SIM1: variants seen among roughly 807,000 people sequenced by gnomAD.
The protein encoded by SIM1 is single-minded homolog 1.
SIM1 carries 18 observed loss-of-function variants against 78.2 expected under a neutral mutation model. The ratio of observed to expected loss-of-function variants is 0.23; its 90% CI spans 0.16 to 0.34. The LOEUF (loss-of-function observed/expected upper bound fraction) is 0.34. Among genes scored for constraint, SIM1 ranks in the 10% least tolerant of loss-of-function variants. SIM1 has a pLI of 1.00. For synonymous variants in SIM1, 417 were observed against 385.2 expected (o/e 1.08, Z -0.97); for missense variants, 939 against 975.1 (o/e 0.96, Z 0.49).
chr6:100,393,260 T>A (rs937455364), intron 11 of SIM1, among the ~76,000 whole-genome samples: 4 of 152,212 alleles, frequency 2.6e-5, no homozygotes, highest in African/African-American at 9.6e-5. Flanking sequence ...TTTCTATACT[T>A]TCTGATGTTT....
intron 10 of SIM1, among the ~76,000 whole-genome samples, chr6:100,413,289 C>T (rs1322356546): frequency 6.6e-6 from 1 of 152,146 alleles, no homozygotes; most frequent in African/African-American, 2.4e-5. Flanking sequence ...ATCATCCATC[C>T]ATTCACTCAT....
At chr6:100,450,404 G>A (rs770008787) in intron 3 of SIM1, 48 bp from the exon 4 acceptor site, 12 of 1,517,250 alleles carry the variant, frequency 7.9e-6, no homozygotes, top group Non-Finnish European at 1.1e-5. Context: ...GGGCCATCTG[G>A]AGAAATGGGA....
chr6:100,463,196 AT>A (rs1562067036), intron 2 of SIM1, 97 bp downstream of exon 2: 9 of 1,110,530 alleles, frequency 8.1e-6, no homozygotes, highest in East Asian at 5.0e-5. Flanking sequence ...ATATATGTAA[AT>A]ATGTATGCAT....
intron 10 of SIM1, among the ~76,000 whole-genome samples, chr6:100,404,323 A>G (rs1320542406): frequency 6.6e-6 from 1 of 152,204 alleles, no homozygotes; most frequent in Non-Finnish European, 1.5e-5. Flanking sequence ...ATAGTTATCT[A>G]TTTTTATTCT....
chr6:100,393,697 A>G lies in SIM1; in HGVS notation c.1360T>C (p.Ser454Pro). 6.2e-7 allele frequency: 1 copy of G among 1,614,114 alleles called. No homozygotes were observed. The highest frequency in any genetic ancestry group is 8.5e-7 in the Non-Finnish European group (1 of 1,179,944). Residue 454 changes from serine to proline, a missense_variant, in exon 11 of 12, where the codon TCG becomes CCG. Physicochemically the swap from Ser to Pro is moderately conservative, Grantham distance 74 (BLOSUM62 -1). Transcript: ENST00000369208. ...AAATGCCTCTCTTCCACCAGCCTCG[A>G]GTGGTCAAGCGCAAAGCCATAGCAG... ...SLCYGFALDHSRLVEERHFHT... is the reference protein window; with the variant it reads ...SLCYGFALDHPRLVEERHFHT...
At chr6:100,417,511 ATTAAAAGTGAATTATTCC>A (rs1280252475) in intron 10 of SIM1, among the ~76,000 whole-genome samples, 2 of 152,222 alleles carry the variant, frequency 1.3e-5, no homozygotes, top group Non-Finnish European at 2.9e-5. Context: ...ATGCATGAAA[ATTAAAAGTGAATTATTCC>A]TTAACAGTAT....
intron 9 of SIM1, among the ~76,000 whole-genome samples, chr6:100,430,613 C>T (rs1771876547): frequency 6.6e-6 from 1 of 152,038 alleles, no homozygotes; most frequent in African/African-American, 2.4e-5. Flanking sequence ...TTCCCACCTC[C>T]CCACCCTCTG....
At chr6:100,444,389 A>T (rs886457458) in intron 9 of SIM1, among the ~76,000 whole-genome samples, 2 of 152,156 alleles carry the variant, frequency 1.3e-5, no homozygotes, top group Non-Finnish European at 2.9e-5. Flanking sequence ...ATCTTTTTTA[A>T]ATGTGTAAAG....
At chr6:100,460,464 T>G (rs1772811940) in intron 2 of SIM1, among the ~76,000 whole-genome samples, 2 of 152,240 alleles carry the variant, frequency 1.3e-5, no homozygotes, top group South Asian at 2.1e-4. Flanking sequence ...GTCACCAGAT[T>G]AATAATTATT....
chr6:100,385,948 T>C lies in SIM1; in HGVS notation c.*4413A>G, dbSNP rs2114451840. The C allele has an allele frequency of 6.6e-6, 1 of 152,088 alleles. No homozygotes were observed. The highest frequency in any genetic ancestry group is 3.4e-3 in the Middle Eastern group (1 of 294). The allele number at this position is 152,088 out of a possible 1,614,324, so 9.4% of individuals were successfully genotyped here. On this transcript the variant is annotated 3_prime_UTR_variant, in exon 12 of 12. Transcript: ENST00000369208. ...CAATATTTTCTATGTCTGATACCTT[T>C]TGCATGTGTCCATAACTGTTGTCAT...
At chr6:100,431,887 G>A (rs1018795815) in intron 9 of SIM1, among the ~76,000 whole-genome samples, 11 of 152,204 alleles carry the variant, frequency 7.2e-5, no homozygotes, top group African/African-American at 2.4e-4. Flanking sequence ...AGGGCTGGAT[G>A]AGTGATGGCT....
intron 2 of SIM1, among the ~76,000 whole-genome samples, chr6:100,454,250 AC>A (rs1444468664): frequency 6.6e-6 from 1 of 152,098 alleles, no homozygotes; most frequent in African/African-American, 2.4e-5. Context: ...GCTTGTCCTA[AC>A]ACCAAGCGAA....
chr6:100,421,000 G>T (rs1771564959), intron 9 of SIM1, 42 bp from the exon 10 acceptor site: 1 of 1,588,630 alleles, frequency 6.3e-7, no homozygotes, highest in Non-Finnish European at 8.6e-7. Flanking sequence ...GCCACCATAG[G>T]AAATGGATTC....
Position 100,390,295 on chromosome 6 carries a change from T to C in SIM1, c.*66A>G. The stretch of plus-strand genomic sequence containing the variant: ...CAATCTGTGGCATAGTAAATGCTGG[T>C]AATGGGGTATTAAACTATAAATATG... On this transcript the variant is annotated 3_prime_UTR_variant, in exon 12 of 12. Coordinates refer to ENST00000369208, the MANE Select transcript of SIM1 (RefSeq NM_005068.3). The C allele has an allele frequency of 6.6e-7, 1 of 1,509,312 alleles. No individual in the cohort carries two copies. Among genetic ancestry groups the C allele is most frequent in the Non-Finnish European group, 9.0e-7 (1 of 1,115,150 alleles). 93.5% of individuals were successfully genotyped at this position (1,509,312 alleles called of 1,614,324 possible).
Position 100,393,751 on chromosome 6 carries a change from A to G in SIM1, c.1306T>C (p.Tyr436His), listed in dbSNP as rs1393437732. 1 of 1,614,108 alleles carries G rather than the reference A, an allele frequency of 6.2e-7. No individual in the cohort carries two copies. The highest frequency in any genetic ancestry group is 1.3e-5 in the African/African-American group (1 of 74,936). The change falls in exon 11 of 12, where the codon TAC (tyrosine) becomes CAC (histidine). Residue 436 changes from tyrosine (Y) to histidine (H), a missense_variant. By Grantham distance (83) the Tyr-to-His change is moderately conservative (BLOSUM62 2). This residue lies in a region of SIM1 where 556 missense variants were observed against 521.9 expected (regional missense o/e 1.07). Transcript: ENST00000369208. ...GAGCTGCGGTCCGAAAACTGTCTGT[A>G]GGCGCACGATGCGTCGTGCTGGGAG... is the stretch of plus-strand genomic sequence containing the variant. ...PGSQHDASCA[Y>H]RQFSDRSSLC...
At chr6:100,441,728 A>C (rs1291554645) in intron 9 of SIM1, among the ~76,000 whole-genome samples, 1 of 152,212 alleles carries the variant, frequency 6.6e-6, no homozygotes, top group Non-Finnish European at 1.5e-5. Flanking sequence ...AGACATTCTT[A>C]ATTGAATGTC....
chr6:100,428,130 G>T (rs927269368), intron 9 of SIM1, among the ~76,000 whole-genome samples: 1 of 152,010 alleles, frequency 6.6e-6, no homozygotes, highest in Non-Finnish European at 1.5e-5. Context: ...GTTCTGTGAG[G>T]TCTTAAATTT....
rs1325093055 is a variant in SIM1, at chr6:100,386,797, C to T, written c.*3564G>A. On this transcript the variant is annotated 3_prime_UTR_variant, in exon 12 of 12. Coordinates refer to ENST00000369208, the MANE Select transcript of SIM1 (RefSeq NM_005068.3). Reference sequence around the variant, plus strand: ...ACTGAAGGCAATCATTTATTGCATCCCGTCTCATTTTGAATGTCACCTCAG... The same window carrying T: ...ACTGAAGGCAATCATTTATTGCATCTCGTCTCATTTTGAATGTCACCTCAG... The T allele has an allele frequency of 1.3e-5, 2 of 151,976 alleles. No homozygotes were observed. Among genetic ancestry groups the T allele is most frequent in the African/African-American group, 4.8e-5 (2 of 41,398 alleles). 9.4% of individuals were successfully genotyped at this position (151,976 alleles called of 1,614,324 possible).
At chr6:100,437,937 C>T (rs934029913) in intron 9 of SIM1, among the ~76,000 whole-genome samples, 5 of 152,000 alleles carry the variant, frequency 3.3e-5, no homozygotes, top group East Asian at 1.9e-4. Flanking sequence ...TCTGGATCCC[C>T]GTCTCTCACC....
Sources: allele counts gnomAD v4.1 joint callset (sites outside exome capture counted in the v4.1 genomes callset), GRCh38; gene constraint gnomAD v4.1.1; regional missense constraint gnomAD v4.1.1; transcripts MANE v1.5; gene names NCBI Gene and HGNC (gene_info 2026-07-23, HGNC 2026-07-21).